CNNM1: variants seen among roughly 807,000 people sequenced by gnomAD.
The protein encoded by CNNM1 is metal transporter CNNM1.
In CNNM1, 44 loss-of-function variants were observed where a neutral mutation model predicts 78.8. The ratio of observed to expected loss-of-function variants is 0.56; its 90% CI spans 0.44 to 0.72. The LOEUF is 0.72. CNNM1 is among the 30% of genes least tolerant of loss of function. The pLI, the probability that CNNM1 is intolerant of heterozygous loss-of-function variation, is 0.00. For synonymous variants in CNNM1, 584 were observed against 581.5 expected (o/e 1.00, Z -0.06); for missense variants, 1,101 against 1,292.2 (o/e 0.85, Z 2.27).
rs2032537911 is a variant in CNNM1, at chr10:99,393,609, G to C, written c.*2093G>C. The C allele has an allele frequency of 6.6e-6, 1 of 152,524 alleles. No individual in the cohort carries two copies. The highest frequency in any genetic ancestry group is 2.4e-5 in the African/African-American group (1 of 41,426). The allele number at this position is 152,524 out of a possible 1,614,324, so 9.4% of individuals were successfully genotyped here. ...GTGAAGTGGATACTGGGCAGTTCGA[G>C]ACAGGTTTTTAATCATAAGTGGTCT... is the stretch of plus-strand genomic sequence containing the variant. On this transcript the variant is annotated 3_prime_UTR_variant, in exon 11 of 11. Transcript: ENST00000356713.
chr10:99,356,596 G>GAAAGAAAGAAAGAAAT (rs2031210068), intron 1 of CNNM1, among the ~76,000 whole-genome samples: 1 of 127,706 alleles, frequency 7.8e-6, no homozygotes, highest in Non-Finnish European at 1.6e-5. Context: ...AAGAAAGAAA[G>GAAAGAAAGAAAGAAAT]AAAGAAAGAA....
At chr10:99,374,681 T>G (rs1371773402) in intron 6 of CNNM1, among the ~76,000 whole-genome samples, 1 of 152,218 alleles carries the variant, frequency 6.6e-6, no homozygotes, top group Non-Finnish European at 1.5e-5. Context: ...ATTTAGATTA[T>G]AAACTTTAAG....
chr10:99,380,010 G>A (rs1411956418), intron 7 of CNNM1, among the ~76,000 whole-genome samples: 4 of 142,738 alleles, frequency 2.8e-5, no homozygotes, highest in Non-Finnish European at 6.0e-5. Flanking sequence ...AAGAAAGGAA[G>A]TAAACTCTCT....
At chr10:99,388,727 C>T (rs1038489471) in intron 9 of CNNM1, among the ~76,000 whole-genome samples, 10 of 152,258 alleles carry the variant, frequency 6.6e-5, no homozygotes, top group East Asian at 1.9e-4. Flanking sequence ...AGGCATATTA[C>T]AGTGTTCAGT....
chr10:99,343,458 G>A (rs1290341592), intron 1 of CNNM1, among the ~76,000 whole-genome samples: 1 of 152,156 alleles, frequency 6.6e-6, no homozygotes. Flanking sequence ...CACCATAAAT[G>A]TGAGGTCAGC....
chr10:99,390,352 C>T lies in CNNM1; in HGVS notation c.2721C>T (p.Ser907=). 6.2e-7 allele frequency: 1 copy of T among 1,613,306 alleles called. No homozygotes were observed. Among genetic ancestry groups the T allele is most frequent in the Non-Finnish European group, 8.5e-7 (1 of 1,179,646 alleles). The stretch of plus-strand genomic sequence containing the variant: ...ACATCAACCTGGATACAGAGACCAG[C>T]CCCTGCAGTAGCGATTTTGAGGAAA... ...CCNINLDTET[S]PCSSDFEENV... The change falls in exon 10 of 11, where the codon AGC becomes AGT. Residue 907 remains serine (S), a synonymous_variant. Coordinates refer to ENST00000356713, the MANE Select transcript of CNNM1 (RefSeq NM_020348.3).
At chr10:99,366,837 C>A (rs1326296500) in intron 6 of CNNM1, among the ~76,000 whole-genome samples, 2 of 152,148 alleles carry the variant, frequency 1.3e-5, no homozygotes, top group East Asian at 3.8e-4. Context: ...TCCTTTCCTT[C>A]CTTCCTGTTT....
intron 7 of CNNM1, 30 bp from the exon 8 acceptor site, chr10:99,387,790 G>A: frequency 6.5e-7 from 1 of 1,548,212 alleles, no homozygotes; most frequent in Non-Finnish European, 8.7e-7. Flanking sequence ...CTGCCTAGCT[G>A]CTCCTAAGCT....
chr10:99,389,497 A>T (rs1333423711), intron 9 of CNNM1, among the ~76,000 whole-genome samples: 1 of 152,126 alleles, frequency 6.6e-6, no homozygotes, highest in Non-Finnish European at 1.5e-5. Flanking sequence ...AATCTGGGAC[A>T]TACATAGTCA....
chr10:99,393,172 C>A lies in CNNM1; in HGVS notation c.*1656C>A, dbSNP rs1470343467. ...GCTAAATCTCCAAACCATTCCCAAA[C>A]CTTTCCCCGTAGTATACCATCCAGC... On this transcript the variant is annotated 3_prime_UTR_variant, in exon 11 of 11. Transcript: ENST00000356713. 1 of 152,498 alleles carries A rather than the reference C, an allele frequency of 6.6e-6. No homozygotes were observed. The highest frequency in any genetic ancestry group is 1.5e-5 in the Non-Finnish European group (1 of 68,112). The allele number at this position is 152,498 out of a possible 1,614,324, so 9.4% of individuals were successfully genotyped here.
At position 99,385,156 on chromosome 10, in the gene CNNM1, G is replaced by A. The variant is rs1404765184; in HGVS notation, c.2341-2664G>A. 9.9e-5 allele frequency among the ~76,000 whole-genome samples: 15 copies of A among 152,190 alleles called. No homozygotes were observed. In the East Asian group the frequency reaches 2.9e-3, roughly 29 times the overall value. The stretch of plus-strand genomic sequence containing the variant: ...TTAGTTAAATAATATAGAGCATTTT[G>A]CAACAGTAGTCATTCCCAAGAGACT... On this transcript the variant is annotated intron_variant, in intron 7 of 10. Transcript: ENST00000356713.
At position 99,329,660 on chromosome 10, in the gene CNNM1, C is replaced by T. The variant is rs752414699; in HGVS notation, c.273C>T (p.Thr91=). The change falls in exon 1 of 11, where the codon ACC becomes ACT. Residue 91 remains threonine (T), a synonymous_variant. Transcript: ENST00000356713. The part of the protein sequence containing the change: ...PATAAPVPSP[T]LNSGENGTGD... ...CCGCCGCACCGGTGCCCTCACCGAC[C>T]CTCAACTCGGGGGAGAATGGCACCG... 4 of 1,553,156 alleles carry T rather than the reference C, an allele frequency of 2.6e-6. No individual in the cohort carries two copies. Among genetic ancestry groups the T allele is most frequent in the Non-Finnish European group, 3.5e-6 (4 of 1,158,758 alleles).
At chr10:99,388,433 A>G (rs1034653500) in intron 9 of CNNM1, 132 bp downstream of exon 9, 25 of 984,706 alleles carry the variant, frequency 2.5e-5, no homozygotes, top group Admixed American at 1.9e-4. Context: ...ACCTCCTTAC[A>G]CAGCCAGGGA....
At chr10:99,343,781 C>T (rs1284956000) in intron 1 of CNNM1, among the ~76,000 whole-genome samples, 1 of 152,028 alleles carries the variant, frequency 6.6e-6, no homozygotes, top group East Asian at 2.0e-4. Flanking sequence ...TTGGCATGGT[C>T]TCGGCTCACT....
chr10:99,343,940 C>G (rs550981026), intron 1 of CNNM1, among the ~76,000 whole-genome samples: 1 of 150,158 alleles, frequency 6.7e-6, no homozygotes, highest in Non-Finnish European at 1.5e-5. Context: ...CCAGGCTGGT[C>G]TCGAACTCCT....
At chr10:99,384,896 G>C (rs986372176) in intron 7 of CNNM1, among the ~76,000 whole-genome samples, 1 of 151,908 alleles carries the variant, frequency 6.6e-6, no homozygotes, top group Non-Finnish European at 1.5e-5. Context: ...GTGAAACCCC[G>C]TATCTATTAA....
intron 1 of CNNM1, among the ~76,000 whole-genome samples, chr10:99,341,504 A>G (rs2134020464): frequency 6.6e-6 from 1 of 152,312 alleles, no homozygotes; most frequent in East Asian, 1.9e-4. Flanking sequence ...AGGCAAGGGA[A>G]TCCAGAAAAC....
chr10:99,374,722 G>T (rs569433970), intron 6 of CNNM1, among the ~76,000 whole-genome samples: 1 of 152,154 alleles, frequency 6.6e-6, no homozygotes, highest in Non-Finnish European at 1.5e-5. Context: ...GGACCCTGAC[G>T]TGCTGACTCA....
At chr10:99,344,331 CAA>C (rs1242567242) in intron 1 of CNNM1, among the ~76,000 whole-genome samples, 1 of 22,120 alleles carries the variant, frequency 4.5e-5, no homozygotes. Context: ...GACTCCGTCT[CAA>C]AAAAAAAAAA....
Sources: gnomAD v4.1 joint callset for allele counts (sites outside exome capture counted in the v4.1 genomes callset) on GRCh38, gnomAD v4.1.1 for gene constraint, MANE v1.5 for transcripts, NCBI Gene and HGNC (gene_info 2026-07-23, HGNC 2026-07-21) for gene names.